Variants in NXPH1 observed in about 807,000 individuals in gnomAD.
NXPH1 encodes the protein neurexophilin-1.
Under a neutral mutation model 23.7 loss-of-function variants are expected in NXPH1, and 5 were observed. The ratio of observed to expected loss-of-function variants is 0.21; its 90% CI spans 0.11 to 0.44. NXPH1 has a LOEUF of 0.44. Among genes scored for constraint, NXPH1 ranks in the 20% least tolerant of loss-of-function variants. NXPH1 has a pLI of 0.99. For missense variants in NXPH1, 324 were observed against 321.6 expected, an observed-to-expected ratio of 1.01 and a Z score of -0.06; for synonymous variants, 144 against 122.2, an observed-to-expected ratio of 1.18 and a Z score of -1.18.
chr7:8,653,965 T>G lies in NXPH1; in HGVS notation c.55-97043T>G, dbSNP rs921337054. Among the ~76,000 whole-genome samples, 16 of 152,204 alleles carry G rather than the reference T, an allele frequency of 1.1e-4. 1 individual carries two copies. The highest frequency in any genetic ancestry group is 9.2e-4 in the Admixed American group (14 of 15,282). On this transcript the variant is annotated intron_variant, in intron 2 of 2. Transcript: ENST00000405863. ...GGCACTATTAATGTAAGAGTTAACT[T>G]TGCTTGGATTTCATGTGTGGAAGTT...
At chr7:8,682,130 A>G (rs2057789) in intron 2 of NXPH1, among the ~76,000 whole-genome samples, 55,255 of 151,982 alleles carry the variant, frequency 0.36, 10,207 homozygotes, top group African/African-American at 0.41. Flanking sequence ...TGTTTCATTG[A>G]AAGGGCAAGG....
intron 2 of NXPH1, among the ~76,000 whole-genome samples, chr7:8,493,892 T>C (rs746163603): frequency 1.5e-4 from 23 of 152,036 alleles, no homozygotes; most frequent in Admixed American, 3.9e-4. Context: ...ATGGGTACTA[T>C]TGGGCTAAGA....
rs34212357 is a variant in NXPH1 at position 8,457,542 on chromosome 7, G to GTTTT, written c.54+21785_54+21788dup. On this transcript the variant is annotated intron_variant, in intron 2 of 2. Transcript: ENST00000405863. ...ATGCTTTTCATTGCCCTAATTCTTA[G>GTTTT]TTTTTTTTTTTTTAATTTTATTAAA... Among the ~76,000 whole-genome samples the GTTTT allele has an allele frequency of 3.5e-3, 504 of 145,752 alleles. 4 individuals are homozygous for GTTTT. The highest frequency in any genetic ancestry group is 0.012 in the African/African-American group (461 of 39,398).
intron 2 of NXPH1, among the ~76,000 whole-genome samples, chr7:8,665,642 A>G (rs2158425): frequency 0.63 from 96,307 of 151,788 alleles, 31,470 homozygotes; most frequent in Middle Eastern, 0.76. Flanking sequence ...ATTTCTTCAC[A>G]TTCATGAACA....
intron 2 of NXPH1, among the ~76,000 whole-genome samples, chr7:8,695,191 A>T (rs1821287636): frequency 6.6e-6 from 1 of 152,220 alleles, no homozygotes; most frequent in South Asian, 2.1e-4. Flanking sequence ...TGCTGTAATA[A>T]TATTAGCTCC....
At chr7:8,713,691 T>G (rs1237014542) in intron 2 of NXPH1, among the ~76,000 whole-genome samples, 26 of 152,214 alleles carry the variant, frequency 1.7e-4, no homozygotes, top group Admixed American at 1.7e-3. Flanking sequence ...CCAAGTGCAA[T>G]AACACTGTAG....
intron 2 of NXPH1, among the ~76,000 whole-genome samples, chr7:8,646,627 A>T (rs1349485849): frequency 6.6e-6 from 1 of 151,866 alleles, no homozygotes; most frequent in African/African-American, 2.4e-5. Flanking sequence ...CTAGTTTCTG[A>T]GATTTTTGTT....
intron 2 of NXPH1, among the ~76,000 whole-genome samples, chr7:8,561,351 GACACACACACACACAC>G (rs61219039): frequency 1.4e-5 from 2 of 140,856 alleles, no homozygotes; most frequent in Non-Finnish European, 1.5e-5. Context: ...AAGCCTATGT[GACACACACACACACAC>G]ACACACACAC....
chr7:8,722,504 C>G (rs1779985412), intron 2 of NXPH1, among the ~76,000 whole-genome samples: 1 of 152,200 alleles, frequency 6.6e-6, no homozygotes, highest in African/African-American at 2.4e-5. Context: ...TGTCCAAAGT[C>G]AACCCAAGAG....
At chr7:8,485,072 C>T (rs1398910220) in intron 2 of NXPH1, among the ~76,000 whole-genome samples, 1 of 152,140 alleles carries the variant, frequency 6.6e-6, no homozygotes, top group East Asian at 1.9e-4. Context: ...TATGCCTCTT[C>T]TAACGTAAGA....
At chr7:8,578,271 C>T (rs1358526461) in intron 2 of NXPH1, among the ~76,000 whole-genome samples, 1 of 152,140 alleles carries the variant, frequency 6.6e-6, no homozygotes, top group Non-Finnish European at 1.5e-5. Flanking sequence ...ATGAAAAGGT[C>T]AAATTCAAAA....
intron 2 of NXPH1, among the ~76,000 whole-genome samples, chr7:8,721,123 C>T (rs1183172763): frequency 6.6e-6 from 1 of 152,130 alleles, no homozygotes; most frequent in East Asian, 1.9e-4. Flanking sequence ...GATAGTTCTA[C>T]TGTGGTTACA....
At chr7:8,583,500 C>T (rs988909849) in intron 2 of NXPH1, among the ~76,000 whole-genome samples, 2 of 152,176 alleles carry the variant, frequency 1.3e-5, no homozygotes, top group Non-Finnish European at 2.9e-5. Context: ...GCATTCAATG[C>T]ATGTTTGCTA....
At chr7:8,739,171 T>TAAAAAAAAAAAAAA (rs34593997) in intron 2 of NXPH1, among the ~76,000 whole-genome samples, 1 of 54,042 alleles carries the variant, frequency 1.9e-5, no homozygotes. Context: ...ACCAGTGGGG[T>TAAAAAAAAAAAAAA]AAAAAAAAAA....
At chr7:8,727,888 G>A (rs1356002228) in intron 2 of NXPH1, among the ~76,000 whole-genome samples, 1 of 151,820 alleles carries the variant, frequency 6.6e-6, no homozygotes, top group Non-Finnish European at 1.5e-5. Context: ...GTCATTGGTG[G>A]CTTGATGGGG....
rs1780334443 is a variant in NXPH1, at chr7:8,740,051, C to G, written c.55-10957C>G. Among the ~76,000 whole-genome samples the G allele has an allele frequency of 2.6e-5, 4 of 152,286 alleles. 1 individual carries two copies. The South Asian group carries it at 8.3e-4, about 32-fold the overall frequency. ...GTCAGAATTATGCTAATTCCCACTT[C>G]AGTTTGTTTGGATTATTTGAGCTGA... On this transcript the variant is annotated intron_variant, in intron 2 of 2. Transcript: ENST00000405863.
At chr7:8,524,968 A>T (rs1305408328) in intron 2 of NXPH1, among the ~76,000 whole-genome samples, 1 of 152,232 alleles carries the variant, frequency 6.6e-6, no homozygotes, top group East Asian at 1.9e-4. Context: ...CACTGAAAAG[A>T]TACCCGAAAA....
intron 2 of NXPH1, among the ~76,000 whole-genome samples, chr7:8,490,517 T>G (rs984188840): frequency 1.3e-5 from 2 of 151,990 alleles, no homozygotes; most frequent in African/African-American, 4.8e-5. Flanking sequence ...TTCATTCTCA[T>G]TTAACCTTCT....
intron 2 of NXPH1, among the ~76,000 whole-genome samples, chr7:8,573,197 T>C (rs1229055307): frequency 1.3e-5 from 2 of 152,140 alleles, no homozygotes; most frequent in East Asian, 3.9e-4. Flanking sequence ...AAAAACTCTC[T>C]GTTCACATCA....
Sources: gnomAD v4.1 joint callset for allele counts (sites outside exome capture counted in the v4.1 genomes callset) on GRCh38, gnomAD v4.1.1 for gene constraint, MANE v1.5 for transcripts, NCBI Gene and HGNC (gene_info 2026-07-23, HGNC 2026-07-21) for gene names.